The following VEPH1 variants were observed in gnomAD, a reference collection of about 807,000 sequenced individuals.
The protein encoded by VEPH1 is ventricular zone expressed PH domain containing 1, also known as ventricular zone-expressed PH domain-containing protein homolog 1.
Under a neutral mutation model 85.2 loss-of-function variants are expected in VEPH1, and 80 were observed. The observed-to-expected ratio is 0.94, with a 90% CI of 0.78 to 1.13. VEPH1 has a LOEUF of 1.13. Among genes scored for constraint, VEPH1 ranks in the 50% most tolerant of loss-of-function variants. The probability of loss-of-function intolerance (pLI) is 0.00; values close to 1 mark genes in which losing one functional copy is unlikely to be tolerated. For synonymous variants in VEPH1, 297 were observed against 348.0 expected, an observed-to-expected ratio of 0.85 and a Z score of 1.63; for missense variants, 955 against 980.5, an observed-to-expected ratio of 0.97 and a Z score of 0.35.
At chr3:157,276,618 C>A (rs1715434123) in intron 12 of VEPH1, among the ~76,000 whole-genome samples, 1 of 152,082 alleles carries the variant, frequency 6.6e-6, no homozygotes, top group African/African-American at 2.4e-5. Flanking sequence ...ACAAGGATGG[C>A]AGTATAAGCT....
chr3:157,316,574 G>T (rs905726602), intron 10 of VEPH1, among the ~76,000 whole-genome samples: 1 of 150,104 alleles, frequency 6.7e-6, no homozygotes, highest in African/African-American at 2.5e-5. Context: ...TAACATCTAT[G>T]CATCAAATTC....
chr3:157,379,685 G>A (rs1728543501), intron 7 of VEPH1, among the ~76,000 whole-genome samples: 1 of 152,126 alleles, frequency 6.6e-6, no homozygotes, highest in South Asian at 2.1e-4. Flanking sequence ...ACTGGAAATG[G>A]CATGCATCAT....
At chr3:157,421,162 G>A (rs962874575) in intron 5 of VEPH1, among the ~76,000 whole-genome samples, 1 of 152,218 alleles carries the variant, frequency 6.6e-6, no homozygotes, top group African/African-American at 2.4e-5. Flanking sequence ...TAGCCACATC[G>A]TGGAGCTCAC....
chr3:157,381,815 GT>G (rs1198780289), intron 6 of VEPH1: 3 of 163,250 alleles, frequency 1.8e-5, no homozygotes, highest in Non-Finnish European at 4.0e-5. Flanking sequence ...GCTAGCTCAA[GT>G]TGAATAATCA....
chr3:157,298,954 A>G (rs1397937908), intron 11 of VEPH1, among the ~76,000 whole-genome samples: 2 of 152,174 alleles, frequency 1.3e-5, no homozygotes, highest in East Asian at 3.9e-4. Context: ...TGGTATGTCT[A>G]GTATTGAGAT....
intron 12 of VEPH1, among the ~76,000 whole-genome samples, chr3:157,266,221 C>G (rs1160786502): frequency 6.6e-6 from 1 of 151,322 alleles, no homozygotes; most frequent in Admixed American, 6.6e-5. Context: ...GACATGGTTC[C>G]TAAAGCGGTA....
At chr3:157,286,173 A>C (rs1437890627) in intron 12 of VEPH1, 6 of 165,360 alleles carry the variant, frequency 3.6e-5, no homozygotes, top group Non-Finnish European at 7.8e-5. Context: ...GGATTACGTG[A>C]GATAATATGG....
intron 6 of VEPH1, among the ~76,000 whole-genome samples, chr3:157,394,618 C>T (rs1459067103): frequency 6.6e-6 from 1 of 152,090 alleles, no homozygotes; most frequent in African/African-American, 2.4e-5. Flanking sequence ...GGGAGCTTTA[C>T]TCATGGCAGA....
chr3:157,487,656 T>C (rs962440916), intron 2 of VEPH1, among the ~76,000 whole-genome samples: 20 of 152,238 alleles, frequency 1.3e-4, no homozygotes, highest in Admixed American at 1.3e-3. Flanking sequence ...ATAAGCATAG[T>C]TCTAAAACTA....
intron 6 of VEPH1, among the ~76,000 whole-genome samples, chr3:157,393,459 G>A (rs1038088353): frequency 2.0e-5 from 3 of 152,058 alleles, no homozygotes; most frequent in Non-Finnish European, 4.4e-5. Context: ...GTTATTATTA[G>A]TATTATTTTT....
intron 6 of VEPH1, among the ~76,000 whole-genome samples, chr3:157,400,074 A>G (rs1313642672): frequency 6.6e-6 from 1 of 152,136 alleles, no homozygotes; most frequent in African/African-American, 2.4e-5. Flanking sequence ...CATTTTGTCA[A>G]TTGTAAAAGG....
chr3:157,349,759 A>G (rs1398170705), intron 9 of VEPH1, among the ~76,000 whole-genome samples: 2 of 152,216 alleles, frequency 1.3e-5, no homozygotes, highest in Non-Finnish European at 2.9e-5. Context: ...CAAGAAGGCA[A>G]TGCAATGTAC....
intron 3 of VEPH1, among the ~76,000 whole-genome samples, chr3:157,463,361 G>A (rs368078330): frequency 3.3e-5 from 5 of 152,118 alleles, no homozygotes; most frequent in South Asian, 4.1e-4. Flanking sequence ...ATTCTTTGGC[G>A]ATAAATCATG....
At chr3:157,381,079 A>G (rs1035688090) in intron 7 of VEPH1, 77 bp downstream of exon 7, 17 of 1,451,170 alleles carry the variant, frequency 1.2e-5, no homozygotes, top group Non-Finnish European at 1.6e-5. Flanking sequence ...TTTGGAAGTT[A>G]GAGAGGCTTA....
intron 3 of VEPH1, among the ~76,000 whole-genome samples, chr3:157,467,171 C>T (rs1736463810): frequency 7.1e-6 from 1 of 140,710 alleles, no homozygotes; most frequent in Non-Finnish European, 1.5e-5. Flanking sequence ...CTTAAAATGA[C>T]AGTGAAGTGG....
At chr3:157,271,207 T>C (rs912023201) in intron 12 of VEPH1, among the ~76,000 whole-genome samples, 2 of 152,070 alleles carry the variant, frequency 1.3e-5, no homozygotes, top group Non-Finnish European at 2.9e-5. Context: ...AGAGGTCATA[T>C]TGGACTTTAT....
intron 3 of VEPH1, among the ~76,000 whole-genome samples, chr3:157,467,066 T>G (rs1018358930): frequency 2.6e-5 from 4 of 151,792 alleles, no homozygotes; most frequent in African/African-American, 4.8e-5. Flanking sequence ...TGAAGTAGGT[T>G]TGAGCGTAGG....
chr3:157,267,231 G>T (rs1268746832), intron 12 of VEPH1, among the ~76,000 whole-genome samples: 2 of 151,000 alleles, frequency 1.3e-5, no homozygotes, highest in African/African-American at 4.9e-5. Context: ...GAGTAGCTGA[G>T]ACTACAGGTA....
rs186581472 is a variant in VEPH1 at position 157,318,953 on chromosome 3, G to A, written c.1736-1752C>T. On this transcript the variant is annotated intron_variant, in intron 9 of 13. Transcript: ENST00000362010. ...GGCGACAGAGTCAGTCCCCACCTAA[G>A]ACAGAGTGTTGTTGAATTCTCTAGA... is the stretch of plus-strand genomic sequence containing the variant. Among the ~76,000 whole-genome samples, 272 of 152,240 alleles carry A rather than the reference G, an allele frequency of 1.8e-3. 1 individual carries two copies. The highest frequency in any genetic ancestry group is 6.2e-3 in the African/African-American group (256 of 41,532).
Sources: gnomAD v4.1 joint callset for allele counts (sites outside exome capture counted in the v4.1 genomes callset) on GRCh38, gnomAD v4.1.1 for gene constraint, MANE v1.5 for transcripts, NCBI Gene and HGNC (gene_info 2026-07-23, HGNC 2026-07-21) for gene names.